Variants in ZHX2 observed in about 807,000 individuals in gnomAD.
ZHX2 encodes the protein zinc fingers and homeoboxes 2.
Under a neutral mutation model 21.9 loss-of-function variants are expected in ZHX2, and 6 were observed. That is an observed-to-expected ratio of 0.27 (90% CI 0.15 to 0.54). The LOEUF is 0.54. Ranked by LOEUF, ZHX2 falls within the 20% of genes least tolerant of loss-of-function variation. ZHX2 has a pLI of 0.95. For missense variants in ZHX2, 908 were observed against 1,090.7 expected, an observed-to-expected ratio of 0.83 and a Z score of 2.36; for synonymous variants, 434 against 437.1, an observed-to-expected ratio of 0.99 and a Z score of 0.09.
rs71310622 is a variant in ZHX2 at position 122,782,125 on chromosome 8, AGG to A, written c.-283+187_-283+188del. Among the ~76,000 whole-genome samples the A allele has an allele frequency of 1.2e-3, 110 of 92,652 alleles. 2 individuals are homozygous for A. The South Asian group carries it at 0.04, about 33-fold the overall frequency. 60.8% of individuals were successfully genotyped at this position (92,652 alleles called of 152,430 possible). ...TTTGTGATTGGAAGGGGGGTACGGA[AGG>A]GGGGGGGTGTGCAGGCTCTTTTTGC... On this transcript the variant is annotated intron_variant, in intron 1 of 3. Coordinates refer to ENST00000314393, the MANE Select transcript of ZHX2 (RefSeq NM_014943.5). The surrounding 1 kb of genome is among the most constrained non-coding windows in gnomAD (Gnocchi z 5.3).
At chr8:122,797,822 T>G (rs1817640217) in intron 1 of ZHX2, among the ~76,000 whole-genome samples, 1 of 152,142 alleles carries the variant, frequency 6.6e-6, no homozygotes, top group Non-Finnish European at 1.5e-5. Context: ...GTAAAGAAAA[T>G]TAACATTTAA....
intron 1 of ZHX2, among the ~76,000 whole-genome samples, chr8:122,795,978 G>A (rs890269428): frequency 2.0e-5 from 3 of 152,004 alleles, no homozygotes; most frequent in African/African-American, 4.8e-5. Flanking sequence ...CGGGACCAGC[G>A]TGGCCAACAT....
chr8:122,926,991 C>CT (rs1820875706), intron 2 of ZHX2, among the ~76,000 whole-genome samples: 1 of 152,092 alleles, frequency 6.6e-6, no homozygotes, highest in African/African-American at 2.4e-5. Flanking sequence ...AAGATAACAT[C>CT]TTTTTTTGGC....
chr8:122,880,455 T>C (rs1819685582), intron 2 of ZHX2, among the ~76,000 whole-genome samples: 1 of 151,998 alleles, frequency 6.6e-6, no homozygotes, highest in Non-Finnish European at 1.5e-5. Flanking sequence ...TCCCTACCCT[T>C]GTCCCTTTGG....
At chr8:122,934,433 C>T (rs191160996) in intron 2 of ZHX2, among the ~76,000 whole-genome samples, 2 of 152,320 alleles carry the variant, frequency 1.3e-5, no homozygotes, top group East Asian at 3.9e-4. Flanking sequence ...TGGTGAAGCT[C>T]CTCTCACCAT....
intron 1 of ZHX2, among the ~76,000 whole-genome samples, chr8:122,822,733 T>C (rs1454962330): frequency 6.6e-6 from 1 of 152,096 alleles, no homozygotes; most frequent in Admixed American, 6.5e-5. Context: ...GCCGGGTGAA[T>C]GTGGGAAGCC....
At chr8:122,944,628 A>C (rs571099730) in intron 2 of ZHX2, among the ~76,000 whole-genome samples, 1 of 152,260 alleles carries the variant, frequency 6.6e-6, no homozygotes, top group East Asian at 1.9e-4. Context: ...GCTCTCCACG[A>C]GCCGCAATTT....
intron 1 of ZHX2, among the ~76,000 whole-genome samples, chr8:122,837,402 A>G (rs569796373): frequency 6.6e-6 from 1 of 152,218 alleles, no homozygotes; most frequent in Non-Finnish European, 1.5e-5. Context: ...CGTGAGCCCC[A>G]TCCTGGAAGT....
intron 2 of ZHX2, among the ~76,000 whole-genome samples, chr8:122,880,941 T>A (rs1819700688): frequency 6.6e-6 from 1 of 152,114 alleles, no homozygotes; most frequent in Admixed American, 6.5e-5. Flanking sequence ...GAACCCTGAT[T>A]TCATGTCCCA....
chr8:122,798,100 G>T (rs1003845521), intron 1 of ZHX2, among the ~76,000 whole-genome samples: 19 of 152,212 alleles, frequency 1.2e-4, no homozygotes, highest in Non-Finnish European at 2.1e-4. Context: ...GAGCCAGACC[G>T]GTCTAGCTGA....
chr8:122,951,467 C>T lies in ZHX2; in HGVS notation c.-44C>T, dbSNP rs1273507167. 7.1e-6 allele frequency: 11 copies of T among 1,542,546 alleles called. No individual in the cohort carries two copies. Among genetic ancestry groups the T allele is most frequent in the Non-Finnish European group, 9.7e-6 (11 of 1,131,518 alleles). On this transcript the variant is annotated 5_prime_UTR_variant, in exon 3 of 4. Coordinates refer to ENST00000314393, the MANE Select transcript of ZHX2 (RefSeq NM_014943.5). ...GTTCCAAGAATCTCACCGCCCCCTCCTTATCCCCCTCCAAAAATAAGCCAT... is the reference window on the plus strand; with the variant it reads ...GTTCCAAGAATCTCACCGCCCCCTCTTTATCCCCCTCCAAAAATAAGCCAT...
chr8:122,893,317 A>G (rs1820025390), intron 2 of ZHX2, among the ~76,000 whole-genome samples: 2 of 152,098 alleles, frequency 1.3e-5, no homozygotes, highest in African/African-American at 2.4e-5. Flanking sequence ...GGCTGAATGT[A>G]CTAGAGAACC....
intron 2 of ZHX2, among the ~76,000 whole-genome samples, chr8:122,897,120 C>T (rs376246569): frequency 6.6e-6 from 1 of 152,152 alleles, no homozygotes; most frequent in African/African-American, 2.4e-5. Context: ...CAAATAGGAG[C>T]CTGGGCTTCC....
chr8:122,903,603 A>G (rs1340165059), intron 2 of ZHX2, among the ~76,000 whole-genome samples: 1 of 152,172 alleles, frequency 6.6e-6, no homozygotes, highest in Non-Finnish European at 1.5e-5. Context: ...TGAAAAGAAC[A>G]CAGAGGCTAG....
intron 3 of ZHX2, among the ~76,000 whole-genome samples, chr8:122,969,911 T>G (rs1248807530): frequency 6.6e-6 from 1 of 152,156 alleles, no homozygotes; most frequent in Non-Finnish European, 1.5e-5. Flanking sequence ...TTTTTGTTTC[T>G]CCAATGAGGA....
At chr8:122,910,449 A>G (rs1432090804) in intron 2 of ZHX2, among the ~76,000 whole-genome samples, 1 of 152,164 alleles carries the variant, frequency 6.6e-6, no homozygotes, top group Non-Finnish European at 1.5e-5. Flanking sequence ...TCAAACTGCC[A>G]GTCATGATGT....
chr8:122,955,839 ATTTT>A (rs540333833), intron 3 of ZHX2, among the ~76,000 whole-genome samples: 2 of 104,916 alleles, frequency 1.9e-5, no homozygotes, highest in Non-Finnish European at 1.8e-5. Context: ...TGAGGGAGTG[ATTTT>A]TTTTTTTTTT....
At chr8:122,844,259 A>T (rs1818704663) in intron 1 of ZHX2, among the ~76,000 whole-genome samples, 3 of 152,234 alleles carry the variant, frequency 2.0e-5, no homozygotes, top group Non-Finnish European at 4.4e-5. Flanking sequence ...AAGGGTAGAC[A>T]CATAGGTCTT....
At chr8:122,962,281 A>G (rs1450711346) in intron 3 of ZHX2, among the ~76,000 whole-genome samples, 2 of 152,050 alleles carry the variant, frequency 1.3e-5, no homozygotes, top group South Asian at 2.1e-4. Flanking sequence ...CCCCCCTCTC[A>G]TCCTTCCCCT....
Sources: gnomAD v4.1 joint callset for allele counts (sites outside exome capture counted in the v4.1 genomes callset) on GRCh38, gnomAD v4.1.1 for gene constraint, Gnocchi (gnomAD v3.1) non-coding constraint, MANE v1.5 for transcripts, NCBI Gene and HGNC (gene_info 2026-07-23, HGNC 2026-07-21) for gene names.